IPMK: variants seen among roughly 807,000 people sequenced by gnomAD.
IPMK encodes inositol 1,3,4,6-tetrakisphosphate 5-kinase.
A neutral mutation model predicts 45.8 loss-of-function variants in IPMK; 17 were observed. The ratio of observed to expected loss-of-function variants is 0.37; its 90% CI spans 0.25 to 0.56. The LOEUF (loss-of-function observed/expected upper bound fraction) is 0.56, where lower values mean the gene tolerates loss of function less well. Ranked by LOEUF, IPMK falls within the 20% of genes least tolerant of loss-of-function variation. The pLI is 0.79. For synonymous variants in IPMK, 180 were observed against 184.3 expected (o/e 0.98, Z 0.19); for missense variants, 399 against 498.0 (o/e 0.80, Z 1.89).
intron 5 of IPMK, among the ~76,000 whole-genome samples, chr10:58,197,300 A>AAAATAAATAAATAAATAAATAAAT (rs200761885): frequency 1.2e-5 from 1 of 83,288 alleles, no homozygotes; most frequent in African/African-American, 9.4e-5. Context: ...CTCCGTCTCA[A>AAAATAAATAAATAAATAAATAAAT]AAATAAATAA....
At chr10:58,252,936 G>C (rs1292796192) in intron 1 of IPMK, among the ~76,000 whole-genome samples, 1 of 152,084 alleles carries the variant, frequency 6.6e-6, no homozygotes. Context: ...TTTAACTTCA[G>C]ATGTTTTCTT....
In IPMK at chr10:58,227,112, C is replaced by T. The variant is rs1305794759; in HGVS notation, c.304G>A (p.Val102Ile). Reference protein sequence around the residue: ...MVYAADCFDGVLLELRKYLPK... With the variant: ...MVYAADCFDGILLELRKYLPK... ...AAATATTTTCGTAGCTCTAGAAGAACACCATCAAAACAGTCAGCAGCATAA... is the reference window on the plus strand; with the variant it reads ...AAATATTTTCGTAGCTCTAGAAGAATACCATCAAAACAGTCAGCAGCATAA... The change falls in exon 3 of 6, where the codon GTT becomes ATT. Residue 102 changes from valine (V) to isoleucine (I), a missense_variant. This residue lies in a region of IPMK where 288 missense variants were observed against 398.0 expected (regional missense o/e 0.72). Transcript: ENST00000373935. 1 of 1,613,006 alleles carries T rather than the reference C, an allele frequency of 6.2e-7. No individual in the cohort carries two copies. The highest frequency in any genetic ancestry group is 8.5e-7 in the Non-Finnish European group (1 of 1,179,342).
chr10:58,239,998 T>C (rs1440242062), intron 1 of IPMK, among the ~76,000 whole-genome samples: 1 of 152,078 alleles, frequency 6.6e-6, no homozygotes, highest in Non-Finnish European at 1.5e-5. Flanking sequence ...ATGCCCTAGA[T>C]TCAAGAAAAA....
intron 2 of IPMK, among the ~76,000 whole-genome samples, chr10:58,227,926 C>A (rs527645890): frequency 2.6e-5 from 4 of 151,962 alleles, no homozygotes; most frequent in Non-Finnish European, 5.9e-5. Context: ...AAAATGCTTA[C>A]GAAAACTTAG....
At chr10:58,230,880 G>C (rs150393511) in intron 2 of IPMK, among the ~76,000 whole-genome samples, 1,904 of 152,232 alleles carry the variant, frequency 0.013, 16 homozygotes, top group Admixed American at 0.016. Context: ...AAACTTCTCC[G>C]AGCTAAAGGA....
intron 1 of IPMK, among the ~76,000 whole-genome samples, chr10:58,259,793 C>A (rs1391967260): frequency 1.3e-5 from 2 of 151,740 alleles, no homozygotes; most frequent in Non-Finnish European, 2.9e-5. Context: ...TGAGCCATGA[C>A]TGTACCACTG....
At chr10:58,244,580 G>A (rs567871333) in intron 1 of IPMK, among the ~76,000 whole-genome samples, 21 of 151,956 alleles carry the variant, frequency 1.4e-4, no homozygotes, top group Middle Eastern at 3.4e-3. Context: ...TGACGATGGT[G>A]GTTTTGTCGA....
At position 58,193,992 on chromosome 10, in the gene IPMK, A is replaced by C. The variant is rs1049889699; in HGVS notation, c.*2084T>G. On this transcript the variant is annotated 3_prime_UTR_variant, in exon 6 of 6. Coordinates refer to ENST00000373935, the MANE Select transcript of IPMK (RefSeq NM_152230.5). ...TCCCTTCCCTGAAAAACAACAGATA[A>C]AAGGGCTTCTTGCTTTATTAAAAAC... 2.6e-5 allele frequency: 4 copies of C among 151,920 alleles called. No homozygotes were observed. Among genetic ancestry groups the C allele is most frequent in the Non-Finnish European group, 4.4e-5 (3 of 67,768 alleles). The allele number at this position is 151,920 out of a possible 1,614,324, so 9.4% of individuals were successfully genotyped here.
intron 3 of IPMK, among the ~76,000 whole-genome samples, chr10:58,221,724 A>G (rs2132156105): frequency 6.6e-6 from 1 of 151,948 alleles, no homozygotes; most frequent in Middle Eastern, 3.4e-3. Flanking sequence ...ACACCCAGCT[A>G]ATTTTTATTT....
At chr10:58,260,473 A>T (rs1054449646) in intron 1 of IPMK, among the ~76,000 whole-genome samples, 60 of 152,210 alleles carry the variant, frequency 3.9e-4, no homozygotes, top group Non-Finnish European at 4.4e-5. Flanking sequence ...ATACACAATT[A>T]TTTAGAGAAA....
intron 1 of IPMK, among the ~76,000 whole-genome samples, chr10:58,238,061 G>T (rs985134555): frequency 6.6e-6 from 1 of 151,908 alleles, no homozygotes; most frequent in Non-Finnish European, 1.5e-5. Context: ...TGGCACCCTC[G>T]GGCTTTATAA....
chr10:58,211,214 CAG>C (rs1588954431), intron 4 of IPMK, among the ~76,000 whole-genome samples: 1 of 145,346 alleles, frequency 6.9e-6, no homozygotes, highest in African/African-American at 2.5e-5. Flanking sequence ...TTTTATGAGA[CAG>C]AGTCTCGCTC....
chr10:58,199,066 A>G (rs1219151710), intron 5 of IPMK, among the ~76,000 whole-genome samples, 174 bp downstream of exon 5: 1 of 152,104 alleles, frequency 6.6e-6, no homozygotes, highest in Non-Finnish European at 1.5e-5. Context: ...TGCTCTTGAT[A>G]TATTATGAAC....
chr10:58,230,825 C>G lies in IPMK; in HGVS notation c.277-3686G>C, dbSNP rs571200023. Reference sequence around the variant, plus strand: ...TGGAACAAAGCTGGACAGAGAATGACTTTGACGAGTTGATAGAAGTAGGCT... The same window carrying G: ...TGGAACAAAGCTGGACAGAGAATGAGTTTGACGAGTTGATAGAAGTAGGCT... On this transcript the variant is annotated intron_variant, in intron 2 of 5. Coordinates refer to ENST00000373935, the MANE Select transcript of IPMK (RefSeq NM_152230.5). Among the ~76,000 whole-genome samples the G allele has an allele frequency of 7.2e-5, 11 of 152,302 alleles. No homozygotes were observed. In the South Asian group the frequency reaches 2.3e-3, roughly 32 times the overall value.
At position 58,196,470 on chromosome 10, in the gene IPMK, G is replaced by A; in HGVS notation, c.857C>T (p.Thr286Ile). The A allele has an allele frequency of 6.2e-7, 1 of 1,614,096 alleles. No individual in the cohort carries two copies. Among genetic ancestry groups the A allele is most frequent in the Non-Finnish European group, 8.5e-7 (1 of 1,180,008 alleles). ...KFLSKGQLSD[T>I]EVLEYNNNFH... is the part of the protein sequence containing the mutation. ...GTTATTATTGTACTCTAGTACTTCT[G>A]TGTCTGACAGTTGTCCTTTGGACAA... Residue 286 changes from threonine (T) to isoleucine (I), a missense_variant, in exon 6 of 6, where the codon ACA becomes ATA. By Grantham distance (89) the Thr-to-Ile change is moderately conservative. Coordinates refer to ENST00000373935, the MANE Select transcript of IPMK (RefSeq NM_152230.5).
chr10:58,227,015 T>C (rs1387859449), intron 3 of IPMK, 28 bp downstream of exon 3: 1 of 1,495,228 alleles, frequency 6.7e-7, no homozygotes, highest in Non-Finnish European at 9.3e-7. Flanking sequence ...GAATTAAAAC[T>C]GAAAGATAAT....
At chr10:58,219,118 T>A (rs1838292868) in intron 3 of IPMK, among the ~76,000 whole-genome samples, 1 of 152,220 alleles carries the variant, frequency 6.6e-6, no homozygotes. Context: ...CTAAATTATT[T>A]CTTATTCGCC....
intron 1 of IPMK, among the ~76,000 whole-genome samples, chr10:58,251,812 T>C (rs958546760): frequency 2.6e-5 from 4 of 152,334 alleles, no homozygotes; most frequent in East Asian, 1.9e-4. Context: ...CAGCTCTCTT[T>C]TGGTTTGCAT....
chr10:58,267,508 G>T lies in IPMK; in HGVS notation c.104C>A (p.Pro35Gln). The T allele has an allele frequency of 6.2e-7, 1 of 1,613,420 alleles. No individual in the cohort carries two copies. The highest frequency in any genetic ancestry group is 8.5e-7 in the Non-Finnish European group (1 of 1,179,826). Reference sequence around the variant, plus strand: ...GAGGAAGCGGAGTCTGCCGCCCGCCGGCTGCGGGGTGCCCTCAGGGGTGGA... The same window carrying T: ...GAGGAAGCGGAGTCTGCCGCCCGCCTGCTGCGGGGTGCCCTCAGGGGTGGA... ...IESTPEGTPQ[P>Q]AGGRLRFLNG... Residue 35 changes from proline (P) to glutamine (Q), a missense_variant, in exon 1 of 6, where the codon CCG becomes CAG. Physicochemically the swap from Pro to Gln is moderately conservative, Grantham distance 76. Around this residue, in one of 2 missense-constraint regions of IPMK, gnomAD observed 111 missense variants for 99.9 expected, o/e 1.11. Transcript: ENST00000373935.
Sources: gnomAD v4.1 joint callset for allele counts (sites outside exome capture counted in the v4.1 genomes callset) on GRCh38, gnomAD v4.1.1 for gene constraint, gnomAD v4.1.1 regional missense constraint, MANE v1.5 for transcripts, NCBI Gene and HGNC (gene_info 2026-07-23, HGNC 2026-07-21) for gene names.